CNTN4: variants seen among roughly 807,000 people sequenced by gnomAD.
CNTN4 encodes contactin-4.
Under a neutral mutation model 122.5 loss-of-function variants are expected in CNTN4, and 77 were observed. That is an observed-to-expected ratio of 0.63 (90% CI 0.52 to 0.76). The LOEUF (loss-of-function observed/expected upper bound fraction) is 0.76. Ranked by LOEUF, CNTN4 falls within the 30% of genes least tolerant of loss-of-function variation. The pLI is 0.00. For synonymous variants in CNTN4, 512 were observed against 447.0 expected, an observed-to-expected ratio of 1.15 and a Z score of -1.83; for missense variants, 1,256 against 1,259.1, an observed-to-expected ratio of 1.00 and a Z score of 0.04.
chr3:2,831,108 A>G (rs1191827242), intron 7 of CNTN4, among the ~76,000 whole-genome samples: 4 of 152,218 alleles, frequency 2.6e-5, no homozygotes, highest in Non-Finnish European at 5.9e-5. Context: ...GGAAAAAGCC[A>G]AATTGAAGAC....
At chr3:2,522,568 G>A (rs1302585035) in intron 3 of CNTN4, among the ~76,000 whole-genome samples, 3 of 152,018 alleles carry the variant, frequency 2.0e-5, no homozygotes, top group African/African-American at 7.3e-5. Flanking sequence ...TTAATAATAA[G>A]AAACGCACTA....
intron 3 of CNTN4, among the ~76,000 whole-genome samples, chr3:2,351,062 T>G (rs1357474019): frequency 6.6e-6 from 1 of 152,184 alleles, no homozygotes; most frequent in Non-Finnish European, 1.5e-5. Flanking sequence ...TAAAAGTTCC[T>G]ATATTGAGTT....
intron 2 of CNTN4, among the ~76,000 whole-genome samples, chr3:2,227,964 A>G (rs941131734): frequency 6.6e-6 from 1 of 152,212 alleles, no homozygotes; most frequent in Non-Finnish European, 1.5e-5. Context: ...TTTTGATATT[A>G]GAAGTAAAGT....
At chr3:2,935,458 A>G (rs1040349117) in intron 13 of CNTN4, among the ~76,000 whole-genome samples, 7 of 152,214 alleles carry the variant, frequency 4.6e-5, no homozygotes, top group Admixed American at 1.3e-4. Context: ...CAATGATTCA[A>G]CCAACCTCTT....
At chr3:2,157,752 G>T (rs1389392992) in intron 2 of CNTN4, among the ~76,000 whole-genome samples, 2 of 152,152 alleles carry the variant, frequency 1.3e-5, no homozygotes, top group Non-Finnish European at 2.9e-5. Flanking sequence ...TCATCACTAA[G>T]TTATAGTTTC....
At chr3:2,196,383 A>G (rs951840282) in intron 2 of CNTN4, among the ~76,000 whole-genome samples, 1 of 152,224 alleles carries the variant, frequency 6.6e-6, no homozygotes, top group Non-Finnish European at 1.5e-5. Context: ...TACTTAAAGT[A>G]TAATCTGAGA....
chr3:2,186,209 C>G (rs1383836961), intron 2 of CNTN4, among the ~76,000 whole-genome samples: 6 of 151,864 alleles, frequency 4.0e-5, no homozygotes, highest in Non-Finnish European at 8.8e-5. Flanking sequence ...CGATGGTTTG[C>G]TGAGAATGAT....
chr3:2,950,770 T>A (rs2094732454), intron 13 of CNTN4, among the ~76,000 whole-genome samples: 1 of 152,188 alleles, frequency 6.6e-6, no homozygotes, highest in South Asian at 2.1e-4. Context: ...CCTTCCTGAA[T>A]CCCAAGATAA....
chr3:2,432,652 ATATG>A (rs1322792236), intron 3 of CNTN4, among the ~76,000 whole-genome samples: 2 of 151,122 alleles, frequency 1.3e-5, no homozygotes, highest in Non-Finnish European at 3.0e-5. Context: ...ATGTGTATAT[ATATG>A]TGTGTGTATA....
intron 2 of CNTN4, among the ~76,000 whole-genome samples, chr3:2,170,306 C>T (rs1189931561): frequency 6.6e-6 from 1 of 151,168 alleles, no homozygotes; most frequent in Non-Finnish European, 1.5e-5. Flanking sequence ...GGCGACACAC[C>T]AAGACTCCGT....
intron 2 of CNTN4, among the ~76,000 whole-genome samples, chr3:2,292,729 C>A (rs1032240429): frequency 2.6e-5 from 4 of 152,184 alleles, no homozygotes; most frequent in African/African-American, 9.7e-5. Context: ...ACATATTATT[C>A]TATCTATCAG....
At chr3:2,477,906 A>C (rs940689403) in intron 3 of CNTN4, among the ~76,000 whole-genome samples, 1 of 152,222 alleles carries the variant, frequency 6.6e-6, no homozygotes, top group African/African-American at 2.4e-5. Context: ...AAAGGCTATT[A>C]GTAGGCCAGA....
intron 8 of CNTN4, among the ~76,000 whole-genome samples, chr3:2,868,976 G>C (rs2093754885): frequency 6.6e-6 from 1 of 152,026 alleles, no homozygotes; most frequent in Non-Finnish European, 1.5e-5. Flanking sequence ...TCCAGGCTGA[G>C]TTAACATCAT....
chr3:2,579,690 T>C (rs1421708279), intron 4 of CNTN4, among the ~76,000 whole-genome samples: 1 of 152,216 alleles, frequency 6.6e-6, no homozygotes, highest in Non-Finnish European at 1.5e-5. Context: ...ATTGAGTAAT[T>C]TAACATATGT....
At chr3:2,556,313 C>T (rs762039002) in intron 3 of CNTN4, among the ~76,000 whole-genome samples, 2 of 152,130 alleles carry the variant, frequency 1.3e-5, no homozygotes, top group Admixed American at 1.3e-4. Context: ...CAGAACTGGT[C>T]GGCATATGAA....
intron 4 of CNTN4, among the ~76,000 whole-genome samples, chr3:2,638,954 T>A (rs919184888): frequency 6.6e-6 from 1 of 152,190 alleles, no homozygotes; most frequent in Middle Eastern, 3.2e-3. Flanking sequence ...CCAGCAAGCA[T>A]CTTTCTTCTG....
Position 3,043,063 on chromosome 3 carries a change from C to G in CNTN4, c.2598C>G (p.Asn866Lys), listed in dbSNP as rs138240430. ...VGNQTSTKIT[N>K]LKGSVLYHLA... ...ATCAGACATCAACAAAAATCACGAACTTAAAAGGCAGTGTGCTGTATCACT... is the reference window on the plus strand; with the variant it reads ...ATCAGACATCAACAAAAATCACGAAGTTAAAAGGCAGTGTGCTGTATCACT... Residue 866 changes from asparagine (N) to lysine (K), a missense_variant, in exon 22 of 25, where the codon AAC becomes AAG. Asn to Lys is a moderately conservative substitution (Grantham distance 94, BLOSUM62 0). Transcript: ENST00000418658. 334 of 1,614,042 alleles carry G rather than the reference C, an allele frequency of 2.1e-4. No homozygotes were observed. Among genetic ancestry groups the G allele is most frequent in the Admixed American group, 5.3e-4 (32 of 60,000 alleles).
chr3:2,654,648 A>G (rs879684777), intron 4 of CNTN4, among the ~76,000 whole-genome samples: 1 of 152,302 alleles, frequency 6.6e-6, no homozygotes, highest in Non-Finnish European at 1.5e-5. Context: ...TGAAGAATGT[A>G]TCTTTGTTTA....
chr3:2,738,587 G>C (rs1261450316), intron 5 of CNTN4, among the ~76,000 whole-genome samples: 2 of 151,992 alleles, frequency 1.3e-5, no homozygotes, highest in Non-Finnish European at 2.9e-5. Context: ...AAAATTTATT[G>C]CACAGAACAA....
Sources: allele counts gnomAD v4.1 joint callset (sites outside exome capture counted in the v4.1 genomes callset), GRCh38; gene constraint gnomAD v4.1.1; transcripts MANE v1.5; gene names NCBI Gene and HGNC (gene_info 2026-07-23, HGNC 2026-07-21).